TBXAS1: variants seen among roughly 807,000 people sequenced by gnomAD.
TBXAS1 encodes thromboxane-A synthase.
In TBXAS1, 48 loss-of-function variants were observed where a neutral mutation model predicts 60.7. The ratio of observed to expected loss-of-function variants is 0.79; its 90% confidence interval spans 0.63 to 1.01. TBXAS1 has a LOEUF of 1.01. TBXAS1 is among the 50% of genes least tolerant of loss of function. The pLI, the probability that TBXAS1 is intolerant of heterozygous loss-of-function variation, is 0.00. For missense variants in TBXAS1, 685 were observed against 686.3 expected (o/e 1.00, Z 0.02); for synonymous variants, 287 against 269.7 (o/e 1.06, Z -0.63).
At chr7:139,996,133 A>ATTT (rs879520998) in intron 9 of TBXAS1, among the ~76,000 whole-genome samples, 1 of 136,218 alleles carries the variant, frequency 7.3e-6, no homozygotes, top group Non-Finnish European at 1.6e-5. Flanking sequence ...CATGTCTGGC[A>ATTT]TTTTTTTTTT....
chr7:139,998,549 T>G (rs970022176), intron 9 of TBXAS1, among the ~76,000 whole-genome samples: 1 of 152,190 alleles, frequency 6.6e-6, no homozygotes, highest in African/African-American at 2.4e-5. Context: ...ATATCTGGTT[T>G]TTTTTCATCT....
chr7:139,791,654 A>G (rs958777809), intron 4 of TBXAS1, among the ~76,000 whole-genome samples: 15 of 152,186 alleles, frequency 9.9e-5, no homozygotes, highest in Admixed American at 2.0e-4. Context: ...GAAAATCCCT[A>G]ACTATAGTGC....
chr7:139,944,079 A>G (rs1049477844), intron 5 of TBXAS1, among the ~76,000 whole-genome samples: 5 of 152,232 alleles, frequency 3.3e-5, no homozygotes, highest in African/African-American at 2.4e-5. Flanking sequence ...TTTATAATGT[A>G]GAAGAGAAAC....
intron 4 of TBXAS1, among the ~76,000 whole-genome samples, chr7:139,914,473 C>T (rs1805807580): frequency 6.6e-6 from 1 of 152,168 alleles, no homozygotes; most frequent in Admixed American, 6.5e-5. Flanking sequence ...CCTCTCAAGG[C>T]CTGGAGTTGG....
At position 140,004,846 on chromosome 7, in the gene TBXAS1, T is replaced by C. The variant is rs892957209; in HGVS notation, c.1135-2245T>C. 6.6e-6 allele frequency among the ~76,000 whole-genome samples: 1 copy of C among 152,046 alleles called. No individual in the cohort carries two copies. Among genetic ancestry groups the C allele is most frequent in the East Asian group, 1.9e-4 (1 of 5,194 alleles). ...AGGGGTGGGCAGAGGTTTGCCCCCA[T>C]CGAGAAACAGCCTCCGGCCGGCCCC... On this transcript the variant is annotated intron_variant, in intron 9 of 12. Transcript: ENST00000448866. The surrounding 1 kb of genome is among the most constrained non-coding windows in gnomAD (Gnocchi z 5.1).
At chr7:139,868,952 C>T (rs1801629896) in intron 1 of TBXAS1, among the ~76,000 whole-genome samples, 1 of 151,908 alleles carries the variant, frequency 6.6e-6, no homozygotes, top group South Asian at 2.1e-4. Context: ...CACGACCAGG[C>T]TCACCCGGCT....
intron 4 of TBXAS1, among the ~76,000 whole-genome samples, chr7:139,919,588 C>T (rs1372599646): frequency 6.6e-6 from 1 of 152,220 alleles, no homozygotes; most frequent in Non-Finnish European, 1.5e-5. Flanking sequence ...TCTATCATGC[C>T]TTTCATCCCT....
intron 1 of TBXAS1, among the ~76,000 whole-genome samples, chr7:139,864,246 TAA>T (rs78154434): frequency 2.3e-4 from 32 of 138,902 alleles, no homozygotes; most frequent in Non-Finnish European, 2.8e-4. Context: ...ACGCTGGCAT[TAA>T]AAAAAAAAAA....
intron 4 of TBXAS1, among the ~76,000 whole-genome samples, chr7:139,927,615 C>T (rs964310496): frequency 1.3e-5 from 2 of 152,088 alleles, no homozygotes; most frequent in African/African-American, 4.8e-5. Flanking sequence ...GAAGAATTGA[C>T]ATCATGACAA....
At position 139,957,703 on chromosome 7, in the gene TBXAS1, G is replaced by C; in HGVS notation, c.758G>C (p.Gly253Ala). 1 of 1,614,094 alleles carries C rather than the reference G, an allele frequency of 6.2e-7. No individual in the cohort carries two copies. The highest frequency in any genetic ancestry group is 8.5e-7 in the Non-Finnish European group (1 of 1,180,026). The stretch of plus-strand genomic sequence containing the variant: ...AATAAGAACCGAGACGAACTGAATG[G>C]CTTTTTTAACAAACTCATTAGGAAT... ...LPNKNRDELN[G>A]FFNKLIRNVI... Residue 253 changes from glycine to alanine, a missense_variant, in exon 8 of 13, where the codon GGC becomes GCC. Coordinates refer to ENST00000448866, the MANE Select transcript of TBXAS1 (RefSeq NM_001061.7).
intron 9 of TBXAS1, among the ~76,000 whole-genome samples, chr7:139,983,229 G>A (rs1019545308): frequency 2.6e-5 from 4 of 152,008 alleles, no homozygotes; most frequent in African/African-American, 4.8e-5. Context: ...CTTCAACCTC[G>A]GCTCACTATT....
chr7:139,862,066 T>C lies in TBXAS1; in HGVS notation c.90-10169T>C, dbSNP rs56055719. 7.4e-3 allele frequency among the ~76,000 whole-genome samples: 1,129 copies of C among 152,336 alleles called. 20 individuals carry two copies. The highest frequency in any genetic ancestry group is 0.026 in the African/African-American group (1,067 of 41,578). ...TGTGGTTGCAATGGTGATGTAGAGA[T>C]GATTGGGAGACAACAGATTTAGTGG... On this transcript the variant is annotated intron_variant, in intron 1 of 12. Coordinates refer to ENST00000448866, the MANE Select transcript of TBXAS1 (RefSeq NM_001061.7).
At chr7:139,898,670 C>T (rs900006516) in intron 3 of TBXAS1, among the ~76,000 whole-genome samples, 1 of 152,088 alleles carries the variant, frequency 6.6e-6, no homozygotes, top group South Asian at 2.1e-4. Context: ...TGTCAGGGGC[C>T]TCCTGATGCC....
At chr7:139,782,534 A>C (rs1273958832) in intron 2 of TBXAS1, 1 of 152,116 alleles carries the variant, frequency 6.6e-6, no homozygotes, top group Non-Finnish European at 1.5e-5. Flanking sequence ...CACAGGATAG[A>C]GATAACCCTC....
In TBXAS1 at chr7:139,904,390, G is replaced by A. The variant is rs1014588204; in HGVS notation, c.237-6835G>A. Among the ~76,000 whole-genome samples the A allele has an allele frequency of 2.6e-4, 39 of 152,024 alleles. 1 individual carries two copies. Among genetic ancestry groups the A allele is most frequent in the African/African-American group, 8.5e-4 (35 of 41,296 alleles). On this transcript the variant is annotated intron_variant, in intron 3 of 12. Coordinates refer to ENST00000448866, the MANE Select transcript of TBXAS1 (RefSeq NM_001061.7). ...GAAATCAGATAGTGAGATACCTCCA[G>A]ATTTGTTCTTTTTGCTTAGTCTTGC... is the stretch of plus-strand genomic sequence containing the variant.
chr7:139,918,573 C>G (rs1366417322), intron 4 of TBXAS1, among the ~76,000 whole-genome samples: 1 of 152,210 alleles, frequency 6.6e-6, no homozygotes, highest in East Asian at 1.9e-4. Flanking sequence ...AGATTCCCTT[C>G]CCCGCTCAGG....
At chr7:139,880,095 G>T (rs1437938269) in intron 3 of TBXAS1, among the ~76,000 whole-genome samples, 1 of 152,154 alleles carries the variant, frequency 6.6e-6, no homozygotes. Flanking sequence ...TGTCGGCCAG[G>T]CTGGTCTCAA....
In TBXAS1 at chr7:139,951,953, A is replaced by G. The variant is rs1272560891; in HGVS notation, c.451-1415A>G. 1.6e-3 allele frequency among the ~76,000 whole-genome samples: 108 copies of G among 66,212 alleles called. 2 individuals carry two copies. Among genetic ancestry groups the G allele is most frequent in the Middle Eastern group, 7.4e-3 (1 of 136 alleles). The allele number at this position is 66,212 out of a possible 152,430, so 43.4% of individuals were successfully genotyped here. ...AGAGAGAAAGAAGGAAAGAAAGAAA[A>G]GAAAGAAAGAAAGAAAGAAAGAAAG... is the stretch of plus-strand genomic sequence containing the variant. On this transcript the variant is annotated intron_variant, in intron 5 of 12. Transcript: ENST00000448866.
At chr7:139,878,471 G>A (rs564717430) in intron 3 of TBXAS1, among the ~76,000 whole-genome samples, 2 of 152,176 alleles carry the variant, frequency 1.3e-5, no homozygotes, top group East Asian at 3.9e-4. Flanking sequence ...AAAGGTGATG[G>A]CATAATTTCT....
Sources: allele counts gnomAD v4.1 joint callset (sites outside exome capture counted in the v4.1 genomes callset), GRCh38; gene constraint gnomAD v4.1.1; non-coding constraint Gnocchi (gnomAD v3.1); transcripts MANE v1.5; gene names NCBI Gene and HGNC (gene_info 2026-07-23, HGNC 2026-07-21).